DISC1: variants seen among roughly 807,000 people sequenced by gnomAD.
The protein encoded by DISC1 is DISC1 scaffold protein, also known as disrupted in schizophrenia 1 protein.
A neutral mutation model predicts 84.5 loss-of-function variants in DISC1; 57 were observed. The ratio of observed to expected loss-of-function variants is 0.67; its 90% CI spans 0.55 to 0.84. The LOEUF (loss-of-function observed/expected upper bound fraction) is 0.84. DISC1 is among the 40% of genes least tolerant of loss of function. The probability of loss-of-function intolerance (pLI) is 0.00; values close to 1 mark genes in which losing one functional copy is unlikely to be tolerated. For missense variants in DISC1, 1,000 were observed against 1,057.8 expected (o/e 0.95, Z 0.76); for synonymous variants, 411 against 415.2 (o/e 0.99, Z 0.12).
At chr1:231,764,939 C>G (rs2125420866) in intron 4 of DISC1, among the ~76,000 whole-genome samples, 1 of 152,190 alleles carries the variant, frequency 6.6e-6, no homozygotes, top group South Asian at 2.1e-4. Context: ...TGGCTGTAAT[C>G]CCAGTACTTT....
intron 9 of DISC1, among the ~76,000 whole-genome samples, chr1:231,880,677 G>A (rs1382853626): frequency 6.6e-6 from 1 of 152,018 alleles, no homozygotes; most frequent in East Asian, 1.9e-4. Context: ...AAGTAGAGAG[G>A]GGAGGAGACC....
intron 9 of DISC1, among the ~76,000 whole-genome samples, chr1:231,927,349 G>A (rs1012221594): frequency 6.6e-6 from 1 of 152,170 alleles, no homozygotes; most frequent in African/African-American, 2.4e-5. Context: ...TTTGTTATTT[G>A]TAGATTTCTG....
In DISC1 at chr1:231,952,721, A is replaced by G. The variant is rs1168179638; in HGVS notation, c.1982-6107A>G. ...TATATATATATATATATATGTATAT[A>G]TATATATAAACTTATTTTACACAAT... On this transcript the variant is annotated intron_variant, in intron 9 of 12. Transcript: ENST00000439617. Among the ~76,000 whole-genome samples, 6 of 147,986 alleles carry G rather than the reference A, an allele frequency of 4.1e-5. No homozygotes were observed. The Admixed American group carries it at 4.1e-4, about 10-fold the overall frequency.
intron 8 of DISC1, among the ~76,000 whole-genome samples, chr1:231,812,683 C>G (rs1412542198): frequency 1.3e-5 from 2 of 152,198 alleles, no homozygotes; most frequent in Admixed American, 6.5e-5. Context: ...CTTCTCCACA[C>G]ACATCCTCCT....
At chr1:231,814,388 G>GT (rs2080672223) in intron 8 of DISC1, among the ~76,000 whole-genome samples, 1 of 152,178 alleles carries the variant, frequency 6.6e-6, no homozygotes, top group Non-Finnish European at 1.5e-5. Flanking sequence ...CAATTAAGCA[G>GT]TAACAGTGCT....
At chr1:231,649,215 C>T (rs1168691117) in intron 1 of DISC1, among the ~76,000 whole-genome samples, 1 of 152,222 alleles carries the variant, frequency 6.6e-6, no homozygotes, top group Non-Finnish European at 1.5e-5. Context: ...TTTCCCTCTA[C>T]ACACTGCTTT....
chr1:231,690,980 C>T (rs998489053), intron 1 of DISC1, among the ~76,000 whole-genome samples: 1 of 152,160 alleles, frequency 6.6e-6, no homozygotes, highest in Admixed American at 6.5e-5. Flanking sequence ...CTTATGTTTG[C>T]CCTCCTGGGC....
intron 9 of DISC1, among the ~76,000 whole-genome samples, chr1:231,905,585 G>A (rs1394983589): frequency 6.6e-6 from 1 of 151,996 alleles, no homozygotes; most frequent in Non-Finnish European, 1.5e-5. Flanking sequence ...TTGTGTCACT[G>A]CATTCCAGCC....
intron 8 of DISC1, among the ~76,000 whole-genome samples, chr1:231,801,878 G>A (rs1015608899): frequency 6.6e-6 from 1 of 151,354 alleles, no homozygotes. Context: ...GAGTGCAATG[G>A]CGCGATCTCG....
intron 9 of DISC1, among the ~76,000 whole-genome samples, chr1:231,894,475 C>G (rs1355997016): frequency 1.3e-5 from 2 of 152,064 alleles, no homozygotes; most frequent in East Asian, 3.9e-4. Context: ...AATTTTAAAA[C>G]TTTTAAATAA....
At chr1:231,927,752 A>T (rs997438983) in intron 9 of DISC1, among the ~76,000 whole-genome samples, 11 of 152,194 alleles carry the variant, frequency 7.2e-5, no homozygotes, top group Admixed American at 7.2e-4. Flanking sequence ...TTTTTATGCA[A>T]CAAAGGAGAT....
chr1:231,838,263 T>A (rs557215762), intron 9 of DISC1, among the ~76,000 whole-genome samples: 2 of 151,934 alleles, frequency 1.3e-5, no homozygotes, highest in South Asian at 4.2e-4. Context: ...TCCTGGACTT[T>A]GTGTTTGAAC....
rs1434845278 is a variant in DISC1, at chr1:231,897,716, C to T, written c.1982-61112C>T. Among the ~76,000 whole-genome samples the T allele has an allele frequency of 6.6e-6, 1 of 152,126 alleles. No homozygotes were observed. Among genetic ancestry groups the T allele is most frequent in the Non-Finnish European group, 1.5e-5 (1 of 68,032 alleles). ...CAGGGCCTCCTGGTGCATTGAAACA[C>T]CTGGTTTACTTCACACTTGATCACT... On this transcript the variant is annotated intron_variant, in intron 9 of 12. Transcript: ENST00000439617. This position sits in a 1 kb window ranked among gnomAD's most constrained non-coding sequence, Gnocchi z 4.5.
At chr1:231,634,145 A>G (rs896588593) in intron 1 of DISC1, among the ~76,000 whole-genome samples, 1 of 152,116 alleles carries the variant, frequency 6.6e-6, no homozygotes, top group African/African-American at 2.4e-5. Context: ...CGGCTTCTCA[A>G]AGTGCTGGGA....
At chr1:232,034,650 A>G (rs1318172632) in intron 12 of DISC1, among the ~76,000 whole-genome samples, 1 of 152,218 alleles carries the variant, frequency 6.6e-6, no homozygotes, top group Non-Finnish European at 1.5e-5. Context: ...ATCATTTAGC[A>G]CATTACAAAT....
At chr1:231,745,849 G>A (rs992343291) in intron 3 of DISC1, among the ~76,000 whole-genome samples, 1 of 152,146 alleles carries the variant, frequency 6.6e-6, no homozygotes, top group Non-Finnish European at 1.5e-5. Context: ...GGAGGTGTTT[G>A]GGTCATGGGG....
intron 6 of DISC1, among the ~76,000 whole-genome samples, chr1:231,775,316 G>A (rs2076880363): frequency 6.6e-6 from 1 of 152,216 alleles, no homozygotes; most frequent in Admixed American, 6.5e-5. Flanking sequence ...TGTATCACTG[G>A]TGGAGACTTA....
chr1:231,662,097 A>G (rs956271897), intron 1 of DISC1, among the ~76,000 whole-genome samples: 4 of 152,190 alleles, frequency 2.6e-5, no homozygotes, highest in Admixed American at 2.0e-4. Flanking sequence ...GCAAAACAGC[A>G]AAGATGGCTG....
chr1:231,638,857 GA>G lies in DISC1; in HGVS notation c.67+11926del, dbSNP rs1409733791. Among the ~76,000 whole-genome samples the G allele has an allele frequency of 2.0e-5, 3 of 152,258 alleles. No homozygotes were observed. In the East Asian group the frequency reaches 5.8e-4, roughly 29 times the overall value. ...TAACTATTAATCATCACAGAGCAGG[GA>G]AAGTGTGAATCATCAGGAATTTAGT... On this transcript the variant is annotated intron_variant, in intron 1 of 12. Coordinates refer to ENST00000439617, the MANE Select transcript of DISC1 (RefSeq NM_018662.3).
Sources: gnomAD v4.1 joint callset for allele counts (sites outside exome capture counted in the v4.1 genomes callset) on GRCh38, gnomAD v4.1.1 for gene constraint, Gnocchi (gnomAD v3.1) non-coding constraint, MANE v1.5 for transcripts, NCBI Gene and HGNC (gene_info 2026-07-23, HGNC 2026-07-21) for gene names.